The following PTAFR variants were observed in gnomAD, a reference collection of about 807,000 sequenced individuals.
PTAFR encodes the protein platelet-activating factor receptor.
In PTAFR, 8 loss-of-function variants were observed where a neutral mutation model predicts 14.7. The ratio of observed to expected loss-of-function variants is 0.54; its 90% CI spans 0.32 to 0.98. The LOEUF is 0.98. Ranked by LOEUF, PTAFR falls within the 50% of genes least tolerant of loss-of-function variation. The pLI, the probability that PTAFR is intolerant of heterozygous loss-of-function variation, is 0.04. For missense variants in PTAFR, 337 were observed against 451.2 expected, an observed-to-expected ratio of 0.75 and a Z score of 2.29; for synonymous variants, 156 against 176.5, an observed-to-expected ratio of 0.88 and a Z score of 0.92.
chr1:28,165,420 A>G, intron 1 of PTAFR, among the ~76,000 whole-genome samples: 1 of 149,368 alleles, frequency 6.7e-6, no homozygotes, highest in South Asian at 2.1e-4. Flanking sequence ...AAAAAAAAAA[A>G]AAAAAGGAAA....
At position 28,167,639 on chromosome 1, in the gene PTAFR, T is replaced by TA. The variant is rs1410494341; in HGVS notation, c.-39+8952_-39+8953insT. Among the ~76,000 whole-genome samples the TA allele has an allele frequency of 3.9e-5, 5 of 127,096 alleles. No homozygotes were observed. The East Asian group carries it at 1.1e-3, about 28-fold the overall frequency. 83.4% of individuals were successfully genotyped at this position (127,096 alleles called of 152,430 possible). A position where few individuals can be genotyped will look rare whatever the true frequency, so the allele number is the denominator to read the frequency against. Reference sequence around the variant, plus strand: ...CAAAAGAACTGAAAACGGGATTTTTTTTTTTTTTTTTTTTTTTTTTTTTTG... The same window carrying TA: ...CAAAAGAACTGAAAACGGGATTTTTTATTTTTTTTTTTTTTTTTTTTTTTTG... On this transcript the variant is annotated intron_variant, in intron 1 of 1. Transcript: ENST00000373857.
intron 1 of PTAFR, among the ~76,000 whole-genome samples, chr1:28,161,407 C>A (rs1646322159): frequency 6.6e-6 from 1 of 151,758 alleles, no homozygotes; most frequent in Non-Finnish European, 1.5e-5. Flanking sequence ...GGGAAACAGT[C>A]AAAAATAAGT....
At chr1:28,161,612 GC>G (rs1231176224) in intron 1 of PTAFR, among the ~76,000 whole-genome samples, 2 of 152,098 alleles carry the variant, frequency 1.3e-5, no homozygotes, top group African/African-American at 4.8e-5. Context: ...CTCCCAAAGT[GC>G]TAGGATTACA....
Position 28,150,848 on chromosome 1 carries a change from G to T in PTAFR, c.174C>A (p.Asn58Lys). 1 of 1,614,126 alleles carries T rather than the reference G, an allele frequency of 6.2e-7. No individual in the cohort carries two copies. Among genetic ancestry groups the T allele is most frequent in the Non-Finnish European group, 8.5e-7 (1 of 1,180,042 alleles). The change falls in exon 2 of 2, where the codon AAC (asparagine) becomes AAA (lysine). Residue 58 changes from asparagine (N) to lysine (K), a missense_variant. Physicochemically the swap from Asn to Lys is moderately conservative, Grantham distance 94. Coordinates refer to ENST00000373857, the MANE Select transcript of PTAFR (RefSeq NM_000952.5). This position sits in a 1 kb window ranked among gnomAD's most constrained non-coding sequence, Gnocchi z 6.3. ...AGAAGAGCATGTCCGCCATGGTGAG[G>T]TTCACCATGAAGATCTTTATCTCAT... is the stretch of plus-strand genomic sequence containing the variant. Reference protein sequence around the residue: ...KFNEIKIFMVNLTMADMLFLI... With the variant: ...KFNEIKIFMVKLTMADMLFLI...
At chr1:28,159,453 A>C (rs1646299771) in intron 1 of PTAFR, among the ~76,000 whole-genome samples, 1 of 152,232 alleles carries the variant, frequency 6.6e-6, no homozygotes, top group Admixed American at 6.5e-5. Context: ...TCATGTGATC[A>C]GATCATGTGA....
chr1:28,182,644 T>A (rs1028252469), intron 1 of PTAFR, among the ~76,000 whole-genome samples: 2 of 151,852 alleles, frequency 1.3e-5, no homozygotes, highest in Non-Finnish European at 2.9e-5. Context: ...TAAGGGTACA[T>A]GAGGATCCAT....
At chr1:28,179,463 C>T (rs1261449509), upstream of PTAFR, among the ~76,000 whole-genome samples, 1 of 152,180 alleles carries the variant, frequency 6.6e-6, no homozygotes, top group African/African-American at 2.4e-5. Context: ...GAGTTCAACT[C>T]TTTCTCTCAC....
intron 1 of PTAFR, among the ~76,000 whole-genome samples, chr1:28,162,596 CAGGTGGATCACTTG>C (rs1260436244): frequency 6.6e-6 from 1 of 152,082 alleles, no homozygotes; most frequent in African/African-American, 2.4e-5. Flanking sequence ...GAGGCTGAGG[CAGGTGGATCACTTG>C]AGGTCAGGAG....
In PTAFR at chr1:28,150,840, A is replaced by C; in HGVS notation, c.182T>G (p.Met61Arg). 6.2e-7 allele frequency: 1 copy of C among 1,614,188 alleles called. No individual in the cohort carries two copies. Among genetic ancestry groups the C allele is most frequent in the Non-Finnish European group, 8.5e-7 (1 of 1,180,042 alleles). ...GGTGATCAAGAAGAGCATGTCCGCC[A>C]TGGTGAGGTTCACCATGAAGATCTT... is the stretch of plus-strand genomic sequence containing the variant. ...EIKIFMVNLT[M>R]ADMLFLITLP... The change falls in exon 2 of 2, where the codon ATG (methionine) becomes AGG (arginine). Residue 61 changes from methionine to arginine, a missense_variant. Coordinates refer to ENST00000373857, the MANE Select transcript of PTAFR (RefSeq NM_000952.5). The surrounding 1 kb of genome is among the most constrained non-coding windows in gnomAD (Gnocchi z 6.3).
intron 1 of PTAFR, among the ~76,000 whole-genome samples, chr1:28,191,710 T>C (rs1428560137): frequency 6.6e-6 from 1 of 151,908 alleles, no homozygotes; most frequent in Non-Finnish European, 1.5e-5. Context: ...TACTCTTTTA[T>C]ATCTATTGAA....
At chr1:28,156,806 T>C (rs890065747) in intron 1 of PTAFR, among the ~76,000 whole-genome samples, 1 of 152,198 alleles carries the variant, frequency 6.6e-6, no homozygotes, top group African/African-American at 2.4e-5. Context: ...TCTCAGGCTA[T>C]ACTGGTTATA....
At position 28,150,515 on chromosome 1, in the gene PTAFR, G is replaced by A. The variant is rs529340278; in HGVS notation, c.507C>T (p.Asn169=). The A allele has an allele frequency of 3.9e-4, 627 of 1,614,218 alleles. 11 individuals are homozygous for A. The South Asian group carries it at 5.7e-3, about 15-fold the overall frequency. ...CGTAATGCTCAAAGCAGCGAGTGAC[G>A]TTGCCTGAGCCAGCACTGTCGGGCA... ...NTVPDSAGSG[N]VTRCFEHYEK... is the part of the protein sequence containing the mutation. Residue 169 remains asparagine, a synonymous_variant, in exon 2 of 2, where the codon AAC becomes AAT. Transcript: ENST00000373857. This position sits in a 1 kb window ranked among gnomAD's most constrained non-coding sequence, Gnocchi z 6.3.
At chr1:28,177,564 T>C (rs892933040), upstream of PTAFR, among the ~76,000 whole-genome samples, 2 of 152,178 alleles carry the variant, frequency 1.3e-5, no homozygotes, top group Admixed American at 1.3e-4. Context: ...CTGTGTTTGT[T>C]TTTTTGTTCA....
At position 28,189,573 on chromosome 1, in the gene PTAFR, C is replaced by T. The variant is rs943060072; in HGVS notation, c.-39+4149G>A. 1.1e-4 allele frequency among the ~76,000 whole-genome samples: 16 copies of T among 150,446 alleles called. 1 individual carries two copies. Among genetic ancestry groups the T allele is most frequent in the Non-Finnish European group, 2.2e-4 (15 of 67,666 alleles). ...GGTTGCAGTGAGCCGAGATGGTGCC[C>T]CTGCACTCCAACCTGGGCAACAGAG... is the stretch of plus-strand genomic sequence containing the variant. On this transcript the variant is annotated intron_variant, in intron 1 of 1. Coordinates refer to the PTAFR transcript ENST00000305392.
chr1:28,150,906 A>G lies in PTAFR; in HGVS notation c.116T>C (p.Val39Ala). 1 of 1,613,958 alleles carries G rather than the reference A, an allele frequency of 6.2e-7. No homozygotes were observed. The highest frequency in any genetic ancestry group is 8.5e-7 in the Non-Finnish European group (1 of 1,179,998). ...GVIANGYVLW[V>A]FARLYPCKKF... ...CTTGCAAGGGTACAGGCGGGCAAAG[A>G]CCCACAGCACGTAGCCATTAGCAAT... Residue 39 changes from valine to alanine, a missense_variant, in exon 2 of 2, where the codon GTC becomes GCC. Coordinates refer to ENST00000373857, the MANE Select transcript of PTAFR (RefSeq NM_000952.5). The surrounding 1 kb of genome is among the most constrained non-coding windows in gnomAD (Gnocchi z 6.3).
At position 28,150,552 on chromosome 1, in the gene PTAFR, G is replaced by GGC; in HGVS notation, c.469_470insGC (p.Ser157CysfsTer133). 1 of 1,614,220 alleles carries GGC rather than the reference G, an allele frequency of 6.2e-7. No individual in the cohort carries two copies. The highest frequency in any genetic ancestry group is 8.5e-7 in the Non-Finnish European group (1 of 1,180,038). Reference sequence around the variant, plus strand: ...AGCACTGTCGGGCACTGTGTTGGTGGAGTCCAGGATGAGGAAGTAGGATGC... The same window carrying GGC: ...AGCACTGTCGGGCACTGTGTTGGTGGGCAGTCCAGGATGAGGAAGTAGGATGC... On this transcript the variant is annotated frameshift_variant, in exon 2 of 2. Coordinates refer to ENST00000373857, the MANE Select transcript of PTAFR (RefSeq NM_000952.5). LOFTEE classifies it high-confidence loss of function. This position sits in a 1 kb window ranked among gnomAD's most constrained non-coding sequence, Gnocchi z 6.3.
chr1:28,181,836 A>G (rs931400664), intron 1 of PTAFR, among the ~76,000 whole-genome samples: 2 of 152,180 alleles, frequency 1.3e-5, no homozygotes, highest in Non-Finnish European at 2.9e-5. Context: ...GAGGTCAAGC[A>G]TAGGAGCTCA....
chr1:28,190,605 AGTT>A (rs1646644256), intron 1 of PTAFR, among the ~76,000 whole-genome samples: 1 of 152,320 alleles, frequency 6.6e-6, no homozygotes, highest in Non-Finnish European at 1.5e-5. Context: ...AAGTCGTAGT[AGTT>A]AAGAAGGGGT....
chr1:28,152,685 G>C (rs975860554), intron 1 of PTAFR, among the ~76,000 whole-genome samples: 1 of 152,186 alleles, frequency 6.6e-6, no homozygotes, highest in Non-Finnish European at 1.5e-5. Flanking sequence ...GGAGGTTGCA[G>C]TGAGCTGAGA....
Sources: gnomAD v4.1 joint callset for allele counts (sites outside exome capture counted in the v4.1 genomes callset) on GRCh38, gnomAD v4.1.1 for gene constraint, Gnocchi (gnomAD v3.1) non-coding constraint, MANE v1.5 for transcripts, NCBI Gene and HGNC (gene_info 2026-07-23, HGNC 2026-07-21) for gene names.